Variants in ATAD2B observed in about 807,000 individuals in gnomAD.
ATAD2B encodes the protein ATPase family AAA domain containing 2B, also known as ATPase family AAA domain-containing protein 2B.
In ATAD2B, 40 loss-of-function variants were observed where a neutral mutation model predicts 167.6. The ratio of observed to expected loss-of-function variants is 0.24; its 90% CI spans 0.19 to 0.31. The LOEUF is 0.31. ATAD2B is among the 10% of genes least tolerant of loss of function. The pLI is 1.00. For synonymous variants in ATAD2B, 579 were observed against 596.5 expected (o/e 0.97, Z 0.43); for missense variants, 1,242 against 1,757.2 (o/e 0.71, Z 5.24).
the ATAD2B span, among the ~76,000 whole-genome samples, chr2:23,710,125 T>A: frequency 6.6e-6 from 1 of 152,060 alleles, no homozygotes; most frequent in African/African-American, 2.4e-5. Flanking sequence ...TGATTTTTTT[T>A]AAACCCATAG....
At chr2:23,722,918 A>G in the ATAD2B span, among the ~76,000 whole-genome samples, 4 of 152,222 alleles carry the variant, frequency 2.6e-5, no homozygotes, top group East Asian at 7.7e-4. Flanking sequence ...CAAACTACTC[A>G]TCTGACAGGG....
At chr2:23,799,242 C>G (rs1202779449) in intron 18 of ATAD2B, among the ~76,000 whole-genome samples, 1 of 152,100 alleles carries the variant, frequency 6.6e-6, no homozygotes, top group Non-Finnish European at 1.5e-5. Context: ...TTATTTTTAA[C>G]ACATTTCAAT....
At chr2:23,870,390 G>A (rs963986248) in intron 8 of ATAD2B, among the ~76,000 whole-genome samples, 2 of 148,424 alleles carry the variant, frequency 1.3e-5, no homozygotes, top group Admixed American at 6.8e-5. Context: ...GGGCTCAAGC[G>A]ATCCTCCTGC....
chr2:23,710,941 C>A, the ATAD2B span, among the ~76,000 whole-genome samples: 1 of 152,178 alleles, frequency 6.6e-6, no homozygotes, highest in Non-Finnish European at 1.5e-5. Context: ...ATAACTTGCT[C>A]TCATTTACTG....
In ATAD2B at chr2:23,754,241, A is replaced by C; in HGVS notation, c.4273T>G (p.Ser1425Ala). Reference protein sequence around the residue: ...LAVDQLERLYSLLSQCIYRHR... With the variant: ...LAVDQLERLYALLSQCIYRHR... ...CGGTAGATACACTGACTAAGAAGAG[A>C]ATATAATCTCTCAAGCTGATCAACT... Residue 1425 changes from serine (S) to alanine (A), a missense_variant, in exon 27 of 28, where the codon TCT becomes GCT. This residue lies in a region of ATAD2B where 282 missense variants were observed against 346.8 expected (regional missense o/e 0.81). Transcript: ENST00000238789. 2 of 1,565,320 alleles carry C rather than the reference A, an allele frequency of 1.3e-6. No individual in the cohort carries two copies. Among genetic ancestry groups the C allele is most frequent in the Non-Finnish European group, 8.7e-7 (1 of 1,153,458 alleles).
intron 17 of ATAD2B, chr2:23,811,389 G>T (rs1685563385): frequency 6.6e-6 from 1 of 152,272 alleles, no homozygotes; most frequent in Non-Finnish European, 1.5e-5. Flanking sequence ...TTCCCCTCCA[G>T]AGGAAGCAGC....
the ATAD2B span, chr2:23,696,758 T>G: frequency 4.4e-6 from 2 of 451,576 alleles, no homozygotes; most frequent in African/African-American, 2.0e-5. This position sits in a 1 kb window ranked among gnomAD's most constrained non-coding sequence, Gnocchi z 5.5. Context: ...GGCGCTTCTG[T>G]CCCGACAACC....
intron 27 of ATAD2B, 136 bp from the exon 28 acceptor site, chr2:23,752,223 A>G: frequency 1.5e-6 from 1 of 670,542 alleles, no homozygotes. Context: ...TCCTGATTAT[A>G]ATACCATAGG....
the ATAD2B span, among the ~76,000 whole-genome samples, chr2:23,685,993 G>A: frequency 7.9e-5 from 12 of 152,158 alleles, no homozygotes; most frequent in Admixed American, 7.2e-4. Flanking sequence ...CAGGGCCCTC[G>A]GATGGCTTTC....
chr2:23,859,990 T>C (rs1172156461), intron 12 of ATAD2B, among the ~76,000 whole-genome samples: 1 of 151,990 alleles, frequency 6.6e-6, no homozygotes, highest in Non-Finnish European at 1.5e-5. Context: ...GTGACAGGTA[T>C]TGGGAGGTAG....
chr2:23,746,423 C>T (rs72798054), downstream of ATAD2B, among the ~76,000 whole-genome samples: 2,773 of 152,276 alleles, frequency 0.018, 35 homozygotes, highest in Middle Eastern at 0.031. Context: ...GAATAGTCTC[C>T]AGCACCTAGT....
chr2:23,786,215 C>A lies in ATAD2B; in HGVS notation c.2785G>T (p.Ala929Ser), dbSNP rs766295549. Residue 929 changes from alanine (A) to serine (S), a missense_variant, in exon 21 of 28, where the codon GCT (alanine) becomes TCT (serine). By Grantham distance (99) the Ala-to-Ser change is moderately conservative. Transcript: ENST00000238789. ...PPRRKHAALC[A>S]MEVLPLALPS... The stretch of plus-strand genomic sequence containing the variant: ...AGTGCAAGAGGAAGCACTTCCATAG[C>A]ACAAAGAGCTAGAGAAAACAGAAGA... 3 of 1,574,034 alleles carry A rather than the reference C, an allele frequency of 1.9e-6. No individual in the cohort carries two copies. Among genetic ancestry groups the A allele is most frequent in the Non-Finnish European group, 2.6e-6 (3 of 1,159,186 alleles).
At chr2:23,925,520 T>G (rs1704609949) in intron 1 of ATAD2B, among the ~76,000 whole-genome samples, 1 of 152,192 alleles carries the variant, frequency 6.6e-6, no homozygotes, top group South Asian at 2.1e-4. Context: ...GCATTTTAAA[T>G]GAACAGCTTT....
chr2:23,691,976 CA>C, the ATAD2B span: 1 of 1,169,944 alleles, frequency 8.5e-7, no homozygotes, highest in Non-Finnish European at 1.2e-6. Context: ...TGTGTGTGCA[CA>C]CCTGAAGCTC....
chr2:23,895,244 A>G (rs1700023877), intron 2 of ATAD2B, among the ~76,000 whole-genome samples: 1 of 152,130 alleles, frequency 6.6e-6, no homozygotes, highest in African/African-American at 2.4e-5. Flanking sequence ...AATCTTTTCT[A>G]TGTGTGTGCC....
intron 10 of ATAD2B, among the ~76,000 whole-genome samples, chr2:23,866,216 A>C (rs1695103721): frequency 6.6e-6 from 1 of 152,140 alleles, no homozygotes; most frequent in African/African-American, 2.4e-5. Context: ...GACCAGCTTG[A>C]CCAACATGGA....
the ATAD2B span, chr2:23,703,655 AAAG>A: frequency 1.7e-5 from 25 of 1,469,364 alleles, no homozygotes; most frequent in Non-Finnish European, 2.2e-5. Context: ...GTCTTCTGGG[AAAG>A]AAAAGGAGAG....
At chr2:23,788,707 C>A in intron 19 of ATAD2B, 60 bp from the exon 20 acceptor site, 1 of 1,340,122 alleles carries the variant, frequency 7.5e-7, no homozygotes, top group East Asian at 2.4e-5. Context: ...GCTTACATAT[C>A]ATACCAAATT....
At chr2:23,780,231 G>GTC (rs1422413729) in intron 22 of ATAD2B, among the ~76,000 whole-genome samples, 5 of 146,036 alleles carry the variant, frequency 3.4e-5, no homozygotes, top group Admixed American at 2.7e-4. Context: ...CTGAGCAACA[G>GTC]AACAAGATGC....
Sources: gnomAD v4.1 joint callset for allele counts (sites outside exome capture counted in the v4.1 genomes callset) on GRCh38, gnomAD v4.1.1 for gene constraint, gnomAD v4.1.1 regional missense constraint, Gnocchi (gnomAD v3.1) non-coding constraint, MANE v1.5 for transcripts, NCBI Gene and HGNC (gene_info 2026-07-23, HGNC 2026-07-21) for gene names.